Variants in ALK observed in about 807,000 individuals in gnomAD.
ALK encodes the protein ALK tyrosine kinase receptor.
ALK carries 74 observed loss-of-function variants against 163.1 expected under a neutral mutation model. The ratio of observed to expected loss-of-function variants is 0.45; its 90% CI spans 0.38 to 0.55. The LOEUF is 0.55. Among genes scored for constraint, ALK ranks in the 20% least tolerant of loss-of-function variants. ALK has a pLI of 0.00. For missense variants in ALK, 2,063 were observed against 2,105.3 expected (o/e 0.98, Z 0.39); for synonymous variants, 960 against 843.2 (o/e 1.14, Z -2.40).
chr2:29,563,962 C>A (rs1180601911), intron 3 of ALK, among the ~76,000 whole-genome samples: 1 of 152,194 alleles, frequency 6.6e-6, no homozygotes, highest in Non-Finnish European at 1.5e-5. Context: ...CACCTCCTAA[C>A]CTCAGCCGCC....
At chr2:29,270,424 C>T (rs1573179334) in intron 11 of ALK, among the ~76,000 whole-genome samples, 2 of 152,270 alleles carry the variant, frequency 1.3e-5, no homozygotes, top group Admixed American at 6.5e-5. Flanking sequence ...AGGATTGCTG[C>T]GTGAAGAGGG....
chr2:29,226,000 C>A (rs1435753049), intron 18 of ALK, among the ~76,000 whole-genome samples: 1 of 152,062 alleles, frequency 6.6e-6, no homozygotes, highest in Non-Finnish European at 1.5e-5. Flanking sequence ...GGGTCCTGTG[C>A]CCTCTGCTGG....
At chr2:29,419,053 A>G (rs1669952559) in intron 4 of ALK, among the ~76,000 whole-genome samples, 1 of 150,950 alleles carries the variant, frequency 6.6e-6, no homozygotes, top group Non-Finnish European at 1.5e-5. Context: ...TTTATTTTTT[A>G]TTTTACTTTA....
intron 3 of ALK, among the ~76,000 whole-genome samples, chr2:29,677,004 T>G (rs1329069425): frequency 6.6e-6 from 1 of 152,078 alleles, no homozygotes; most frequent in African/African-American, 2.4e-5. Flanking sequence ...TAAATTCATT[T>G]GTTTGTTAAA....
chr2:29,359,932 A>C (rs1266995037), intron 5 of ALK, among the ~76,000 whole-genome samples: 3 of 152,166 alleles, frequency 2.0e-5, no homozygotes, highest in Non-Finnish European at 4.4e-5. Context: ...CCTGCATTCC[A>C]ATTTCCTTCT....
chr2:29,691,687 C>T (rs1473822250), intron 3 of ALK, among the ~76,000 whole-genome samples: 2 of 152,144 alleles, frequency 1.3e-5, no homozygotes, highest in Admixed American at 1.3e-4. Context: ...TCTTCCTTCC[C>T]TCCTCTCCCC....
intron 1 of ALK, among the ~76,000 whole-genome samples, chr2:29,810,248 G>A (rs1287535872): frequency 3.3e-5 from 5 of 151,810 alleles, no homozygotes; most frequent in African/African-American, 9.7e-5. Context: ...AGGGTGATAC[G>A]CCATCTCTAC....
At chr2:29,812,951 A>G (rs1664794749) in intron 1 of ALK, among the ~76,000 whole-genome samples, 1 of 152,208 alleles carries the variant, frequency 6.6e-6, no homozygotes, top group Non-Finnish European at 1.5e-5. Flanking sequence ...GGGGCTGTAT[A>G]GGGAATAAAG....
intron 3 of ALK, among the ~76,000 whole-genome samples, chr2:29,679,882 G>A (rs1309765384): frequency 6.6e-6 from 1 of 151,874 alleles, no homozygotes; most frequent in Non-Finnish European, 1.5e-5. Context: ...AGGTCTGCTG[G>A]CAACAAATTC....
intron 5 of ALK, among the ~76,000 whole-genome samples, chr2:29,338,419 A>T (rs1330282747): frequency 6.6e-6 from 1 of 152,186 alleles, no homozygotes; most frequent in Non-Finnish European, 1.5e-5. Flanking sequence ...CAGCTCTGCC[A>T]TGTCCCTTCA....
chr2:29,610,205 G>A (rs1272037012), intron 3 of ALK, among the ~76,000 whole-genome samples: 2 of 152,154 alleles, frequency 1.3e-5, no homozygotes, highest in African/African-American at 2.4e-5. Flanking sequence ...TGCTGCAACA[G>A]GAGTACCAAG....
At chr2:29,732,028 T>C (rs1005698648) in intron 1 of ALK, among the ~76,000 whole-genome samples, 4 of 152,224 alleles carry the variant, frequency 2.6e-5, no homozygotes, top group Non-Finnish European at 5.9e-5. Context: ...TGGTCATTTG[T>C]ACAGCATGCA....
At chr2:29,346,999 G>C (rs1667968482) in intron 5 of ALK, among the ~76,000 whole-genome samples, 2 of 152,124 alleles carry the variant, frequency 1.3e-5, no homozygotes, top group Non-Finnish European at 2.9e-5. Flanking sequence ...GACCTCACTT[G>C]TCTTCTTTAA....
At chr2:29,314,175 C>T (rs1259200182) in intron 8 of ALK, among the ~76,000 whole-genome samples, 1 of 152,122 alleles carries the variant, frequency 6.6e-6, no homozygotes, top group Admixed American at 6.5e-5. Flanking sequence ...CAGAAAAATT[C>T]CCTGCCTTCG....
intron 1 of ALK, among the ~76,000 whole-genome samples, chr2:29,847,122 G>T (rs930922162): frequency 2.0e-5 from 3 of 152,134 alleles, no homozygotes; most frequent in Admixed American, 1.3e-4. Flanking sequence ...GTGGTTTAGG[G>T]ATTGCCAAGA....
intron 1 of ALK, among the ~76,000 whole-genome samples, chr2:29,846,832 A>T (rs948673036): frequency 3.3e-5 from 5 of 152,196 alleles, no homozygotes; most frequent in African/African-American, 1.2e-4. Context: ...CTCACCAGAG[A>T]TTCTATGAGA....
intron 3 of ALK, among the ~76,000 whole-genome samples, chr2:29,588,898 G>A (rs1337771723): frequency 3.3e-5 from 5 of 152,196 alleles, no homozygotes; most frequent in Non-Finnish European, 7.3e-5. Context: ...CCTGCAAATT[G>A]TAGCTGCCTT....
chr2:29,809,679 G>A (rs986525096), intron 1 of ALK, among the ~76,000 whole-genome samples: 1 of 152,192 alleles, frequency 6.6e-6, no homozygotes, highest in Non-Finnish European at 1.5e-5. Context: ...ATCTTCAGAT[G>A]CAGTCACAGC....
At chr2:29,397,470 GT>G (rs1433583052) in intron 4 of ALK, among the ~76,000 whole-genome samples, 1 of 152,168 alleles carries the variant, frequency 6.6e-6, no homozygotes, top group Non-Finnish European at 1.5e-5. Context: ...ATGAAGTTCT[GT>G]TATTTAAGCC....
Sources: gnomAD v4.1 joint callset for allele counts (sites outside exome capture counted in the v4.1 genomes callset) on GRCh38, gnomAD v4.1.1 for gene constraint, MANE v1.5 for transcripts, NCBI Gene and HGNC (gene_info 2026-07-23, HGNC 2026-07-21) for gene names.